HSD11B1: variants seen among roughly 807,000 people sequenced by gnomAD.
HSD11B1 encodes hydroxysteroid 11-beta dehydrogenase 1.
In HSD11B1, 15 loss-of-function variants were observed where a neutral mutation model predicts 22.1. The ratio of observed to expected loss-of-function variants is 0.68; its 90% CI spans 0.45 to 1.04. The LOEUF (loss-of-function observed/expected upper bound fraction) is 1.04, where lower values mean the gene tolerates loss of function less well. HSD11B1 is among the 50% of genes least tolerant of loss of function. The pLI, the probability that HSD11B1 is intolerant of heterozygous loss-of-function variation, is 0.00. For missense variants in HSD11B1, 281 were observed against 357.6 expected (o/e 0.79, Z 1.73); for synonymous variants, 122 against 125.2 (o/e 0.97, Z 0.17).
At chr1:209,721,272 G>A (rs2076964032) in intron 4 of HSD11B1, among the ~76,000 whole-genome samples, 1 of 151,986 alleles carries the variant, frequency 6.6e-6, no homozygotes, top group Non-Finnish European at 1.5e-5. Context: ...CCCTCATTTT[G>A]ATGACTGTAT....
At chr1:209,714,464 A>G (rs1316006909) in intron 4 of HSD11B1, among the ~76,000 whole-genome samples, 23 of 152,236 alleles carry the variant, frequency 1.5e-4, no homozygotes, top group Admixed American at 1.5e-3. Flanking sequence ...CAAATAATCA[A>G]CACATTCTTC....
chr1:209,712,356 G>A (rs1295183236), intron 4 of HSD11B1, among the ~76,000 whole-genome samples: 1 of 152,120 alleles, frequency 6.6e-6, no homozygotes, highest in Non-Finnish European at 1.5e-5. Context: ...AAAAAATGGG[G>A]GGAAATAAAT....
intron 1 of HSD11B1, among the ~76,000 whole-genome samples, chr1:209,695,211 G>C (rs1182075945): frequency 6.6e-6 from 1 of 152,190 alleles, no homozygotes; most frequent in Non-Finnish European, 1.5e-5. Flanking sequence ...GCAGAACTAT[G>C]AGTCAATTAA....
intron 5 of HSD11B1, among the ~76,000 whole-genome samples, chr1:209,733,938 A>C (rs2077050685): frequency 6.6e-6 from 1 of 152,094 alleles, no homozygotes; most frequent in African/African-American, 2.4e-5. Context: ...TCCCACTGGC[A>C]CTTCCCATTA....
chr1:209,731,216 C>A (rs1030904232), intron 4 of HSD11B1, among the ~76,000 whole-genome samples: 2 of 152,068 alleles, frequency 1.3e-5, no homozygotes, highest in African/African-American at 2.4e-5. Context: ...ATGCAGAAAC[C>A]AAGCAGCCAA....
chr1:209,725,375 C>T (rs1273131975), intron 4 of HSD11B1, among the ~76,000 whole-genome samples: 1 of 152,220 alleles, frequency 6.6e-6, no homozygotes, highest in Non-Finnish European at 1.5e-5. Context: ...ACAAGCCATT[C>T]TTCCACCTCC....
At chr1:209,705,191 T>C (rs1032292475) in intron 1 of HSD11B1, among the ~76,000 whole-genome samples, 161 bp downstream of exon 1, 3 of 152,016 alleles carry the variant, frequency 2.0e-5, no homozygotes, top group African/African-American at 7.2e-5. Context: ...CTACAGGCTG[T>C]GGACAGGGGG....
rs2076857216 is a variant in HSD11B1 at position 209,706,087 on chromosome 1, C to T, written c.219+146C>T. The T allele has an allele frequency of 3.9e-6, 4 of 1,017,038 alleles. No individual in the cohort carries two copies. The Admixed American group carries it at 8.8e-5, about 22-fold the overall frequency. 63.0% of individuals were successfully genotyped at this position (1,017,038 alleles called of 1,614,324 possible). The stretch of plus-strand genomic sequence containing the variant: ...ACACAGACACTTAATTTTGCACTCT[C>T]ATATATAGATTCAAACACCAAAAAA... On this transcript the variant is annotated intron_variant, in intron 2 of 5. Transcript: ENST00000367027. The surrounding 1 kb of genome is among the most constrained non-coding windows in gnomAD (Gnocchi z 4.0).
Position 209,706,652 on chromosome 1 carries a change from A to G in HSD11B1, c.220-57A>G. The G allele has an allele frequency of 8.7e-7, 1 of 1,152,044 alleles. No individual in the cohort carries two copies. The highest frequency in any genetic ancestry group is 1.3e-6 in the Non-Finnish European group (1 of 760,446). 71.4% of individuals were successfully genotyped at this position (1,152,044 alleles called of 1,614,324 possible). A position where few individuals can be genotyped will look rare whatever the true frequency, so the allele number is the denominator to read the frequency against. ...ATTTAAGCCCCCCGTTACTTCAGAG[A>G]CTACCCCCCAAAAATCTGCAGCTAA... On this transcript the variant is annotated intron_variant, in intron 2 of 5. Coordinates refer to ENST00000367027, the MANE Select transcript of HSD11B1 (RefSeq NM_005525.4). This position sits in a 1 kb window ranked among gnomAD's most constrained non-coding sequence, Gnocchi z 4.0.
intron 4 of HSD11B1, among the ~76,000 whole-genome samples, chr1:209,718,694 T>C (rs547497029): frequency 1.3e-5 from 2 of 152,106 alleles, no homozygotes; most frequent in Non-Finnish European, 2.9e-5. Flanking sequence ...TAAAATAGAA[T>C]TATCATGTGA....
chr1:209,732,198 A>C (rs1032345304), intron 4 of HSD11B1, among the ~76,000 whole-genome samples: 3 of 152,224 alleles, frequency 2.0e-5, no homozygotes, highest in Admixed American at 1.3e-4. Flanking sequence ...CACCCTTACT[A>C]AAAGCTTAAA....
chr1:209,730,627 T>A (rs1002763484), intron 4 of HSD11B1, among the ~76,000 whole-genome samples: 24 of 152,230 alleles, frequency 1.6e-4, no homozygotes, highest in Non-Finnish European at 3.2e-4. Flanking sequence ...ATTGGGTAGA[T>A]AACACTATTT....
chr1:209,705,140 G>C, intron 1 of HSD11B1, 110 bp downstream of exon 1: 2 of 874,466 alleles, frequency 2.3e-6, no homozygotes, highest in South Asian at 1.3e-5. Flanking sequence ...TGGTGAAAAT[G>C]AGGGAACCCT....
chr1:209,730,859 A>T (rs2077031306), intron 4 of HSD11B1, among the ~76,000 whole-genome samples: 1 of 152,234 alleles, frequency 6.6e-6, no homozygotes, highest in South Asian at 2.1e-4. Flanking sequence ...GATTACAACT[A>T]TAAGCTTTTG....
At chr1:209,698,632 C>T (rs11808911) in intron 1 of HSD11B1, among the ~76,000 whole-genome samples, 7,998 of 152,288 alleles carry the variant, frequency 0.053, 375 homozygotes, top group African/African-American at 0.12. Flanking sequence ...ATGGCCCCCT[C>T]TCTCTTCTAT....
intron 4 of HSD11B1, among the ~76,000 whole-genome samples, chr1:209,711,341 G>T (rs976585466): frequency 6.6e-6 from 1 of 152,222 alleles, no homozygotes. Flanking sequence ...TGGGGGTGGG[G>T]GGATCCCAAA....
In HSD11B1 at chr1:209,689,845, C is replaced by T. The variant is rs528737280; in HGVS notation, c.-49+3560C>T. Reference sequence around the variant, plus strand: ...CTTCAGGGGTTCCTTTACAGTAACACAAACAGACTAAGACACCGGGCATGG... The same window carrying T: ...CTTCAGGGGTTCCTTTACAGTAACATAAACAGACTAAGACACCGGGCATGG... On this transcript the variant is annotated intron_variant, in intron 1 of 6. Transcript: ENST00000261465. Among the ~76,000 whole-genome samples, 122 of 152,266 alleles carry T rather than the reference C, an allele frequency of 8.0e-4. 1 individual carries two copies. The highest frequency in any genetic ancestry group is 1.3e-3 in the Non-Finnish European group (90 of 68,026).
chr1:209,734,269 T>A, intron 5 of HSD11B1, 35 bp from the exon 6 acceptor site: 1 of 1,540,768 alleles, frequency 6.5e-7, no homozygotes, highest in Non-Finnish European at 8.9e-7. Flanking sequence ...ACTGTCCTAG[T>A]CAGATAACCC....
chr1:209,721,825 T>C (rs1188742563), intron 4 of HSD11B1, among the ~76,000 whole-genome samples: 1 of 152,192 alleles, frequency 6.6e-6, no homozygotes, highest in Non-Finnish European at 1.5e-5. Context: ...TGCACTCAGC[T>C]TTGTTCTCAA....
Sources: allele counts gnomAD v4.1 joint callset (sites outside exome capture counted in the v4.1 genomes callset), GRCh38; gene constraint gnomAD v4.1.1; non-coding constraint Gnocchi (gnomAD v3.1); transcripts MANE v1.5; gene names NCBI Gene and HGNC (gene_info 2026-07-23, HGNC 2026-07-21).